Variants in MTSS1 observed in about 807,000 individuals in gnomAD.
The protein encoded by MTSS1 is protein MTSS 1.
In MTSS1, 18 loss-of-function variants were observed where a neutral mutation model predicts 79.0. The ratio of observed to expected loss-of-function variants is 0.23; its 90% CI spans 0.16 to 0.34. The LOEUF (loss-of-function observed/expected upper bound fraction) is 0.34, where lower values mean the gene tolerates loss of function less well. Ranked by LOEUF, MTSS1 falls within the 10% of genes least tolerant of loss-of-function variation. MTSS1 has a pLI of 1.00. For missense variants in MTSS1, 815 were observed against 986.2 expected, an observed-to-expected ratio of 0.83 and a Z score of 2.33; for synonymous variants, 341 against 368.6, an observed-to-expected ratio of 0.93 and a Z score of 0.86.
chr8:124,639,241 G>C (rs190941119), intron 3 of MTSS1, among the ~76,000 whole-genome samples: 11 of 152,174 alleles, frequency 7.2e-5, no homozygotes, highest in Admixed American at 1.3e-4. Context: ...GGGAGGCTGC[G>C]GCAGGAGAAT....
chr8:124,691,822 C>G (rs938608794), intron 3 of MTSS1, among the ~76,000 whole-genome samples: 4 of 152,006 alleles, frequency 2.6e-5, no homozygotes, highest in African/African-American at 9.7e-5. Context: ...GGCTGATATA[C>G]CTTTTTATTT....
Position 124,615,664 on chromosome 8 carries a change from C to T in MTSS1, c.209-24429G>A, listed in dbSNP as rs182503071. On this transcript the variant is annotated intron_variant, in intron 3 of 13. Transcript: ENST00000518547. Reference sequence around the variant, plus strand: ...TGTGGCACAACACTACAGAACTCTACACTTGAAAATGATTAAGACGGTATA... The same window carrying T: ...TGTGGCACAACACTACAGAACTCTATACTTGAAAATGATTAAGACGGTATA... Among the ~76,000 whole-genome samples, 596 of 152,300 alleles carry T rather than the reference C, an allele frequency of 3.9e-3. 3 individuals are homozygous for T. The highest frequency in any genetic ancestry group is 6.4e-3 in the Non-Finnish European group (432 of 68,018).
intron 13 of MTSS1, among the ~76,000 whole-genome samples, chr8:124,554,673 C>T (rs1823205276): frequency 6.6e-6 from 1 of 152,318 alleles, no homozygotes; most frequent in South Asian, 2.1e-4. Context: ...CACTCTAACA[C>T]ACTTAGGTTC....
In MTSS1 at chr8:124,618,697, AGCTGG is replaced by A. The variant is rs549272035; in HGVS notation, c.209-27467_209-27463del. Among the ~76,000 whole-genome samples, 6 of 152,344 alleles carry A rather than the reference AGCTGG, an allele frequency of 3.9e-5. No individual in the cohort carries two copies. In the South Asian group the frequency reaches 1.2e-3, roughly 32 times the overall value. On this transcript the variant is annotated intron_variant, in intron 3 of 13. Transcript: ENST00000518547. The stretch of plus-strand genomic sequence containing the variant: ...ACACTGGCTCTGCAATGACTCTGGT[AGCTGG>A]CAGCTCTCCATAATGTAGCTGTCTG...
chr8:124,589,593 G>A (rs749868560), intron 5 of MTSS1, 27 bp downstream of exon 5: 1 of 1,582,320 alleles, frequency 6.3e-7, no homozygotes, highest in Non-Finnish European at 8.6e-7. Context: ...AGCGTGCAGT[G>A]ATGCGCTAGA....
chr8:124,666,441 T>TGA (rs1217560374), intron 3 of MTSS1, among the ~76,000 whole-genome samples: 1 of 152,176 alleles, frequency 6.6e-6, no homozygotes, highest in Admixed American at 6.5e-5. Flanking sequence ...AGAAAAATAC[T>TGA]GATGGAAACA....
rs376764903 is a variant in MTSS1 at position 124,557,672 on chromosome 8, G to C, written c.1230+9C>G. 1.3e-6 allele frequency: 2 copies of C among 1,563,504 alleles called. No individual in the cohort carries two copies. The highest frequency in any genetic ancestry group is 2.7e-5 in the African/African-American group (2 of 73,552). The stretch of plus-strand genomic sequence containing the variant: ...TGACGGGGAGAGGAGGAGGGGGAGA[G>C]ACACAAACCTTCCAGCTAGGGATCT... On this transcript the variant is annotated intron_variant, in intron 11 of 13. Transcript: ENST00000518547.
At chr8:124,716,564 G>A (rs949299383) in intron 1 of MTSS1, among the ~76,000 whole-genome samples, 2 of 152,140 alleles carry the variant, frequency 1.3e-5, no homozygotes, top group African/African-American at 4.8e-5. Context: ...ATGACCTGAA[G>A]TGTTTGCTAA....
At chr8:124,585,018 C>CT in intron 6 of MTSS1, 69 bp downstream of exon 6, 1 of 1,352,162 alleles carries the variant, frequency 7.4e-7, no homozygotes, top group Non-Finnish European at 1.1e-6. Flanking sequence ...AAGTGAACAC[C>CT]TTTCACTTCA....
chr8:124,571,436 A>G (rs926387201), intron 6 of MTSS1, among the ~76,000 whole-genome samples: 1 of 152,346 alleles, frequency 6.6e-6, no homozygotes, highest in African/African-American at 2.4e-5. Context: ...AGCATGGCCA[A>G]TTGTGGGCCT....
Position 124,553,084 on chromosome 8 carries a change from G to A in MTSS1, c.2176C>T (p.Pro726Ser). The change falls in exon 14 of 14, where the codon CCA becomes TCA. Residue 726 changes from proline (P) to serine (S), a missense_variant. Around this residue, in one of 2 missense-constraint regions of MTSS1, gnomAD observed 590 missense variants for 620.8 expected, o/e 0.95. Coordinates refer to ENST00000518547, the MANE Select transcript of MTSS1 (RefSeq NM_014751.6). The surrounding 1 kb of genome is among the most constrained non-coding windows in gnomAD (Gnocchi z 6.0). ...DPADLSPRDTPQGEDMLNAIR... is the reference protein window; with the variant it reads ...DPADLSPRDTSQGEDMLNAIR... ...GCGTTCAGCATGTCTTCTCCTTGTG[G>A]AGTATCCCTTGGGCTCAGGTCTGCA... The A allele has an allele frequency of 6.2e-7, 1 of 1,614,094 alleles. No homozygotes were observed. Among genetic ancestry groups the A allele is most frequent in the Non-Finnish European group, 8.5e-7 (1 of 1,180,010 alleles).
At chr8:124,618,351 T>C (rs1462072885) in intron 3 of MTSS1, among the ~76,000 whole-genome samples, 1 of 152,238 alleles carries the variant, frequency 6.6e-6, no homozygotes, top group African/African-American at 2.4e-5. Flanking sequence ...CAAACTTTTC[T>C]GTTTCACAAC....
chr8:124,703,148 T>C (rs997102789), intron 2 of MTSS1, among the ~76,000 whole-genome samples: 2 of 152,134 alleles, frequency 1.3e-5, no homozygotes, highest in Non-Finnish European at 2.9e-5. Context: ...CCCCAAAAGA[T>C]CTGTCTTACC....
chr8:124,560,587 G>A (rs1341801697), intron 10 of MTSS1, among the ~76,000 whole-genome samples: 2 of 152,096 alleles, frequency 1.3e-5, no homozygotes, highest in Admixed American at 6.6e-5. Context: ...GGAGTTCAAG[G>A]TTACAGTGAC....
chr8:124,709,510 C>T (rs534325884), intron 1 of MTSS1, among the ~76,000 whole-genome samples: 1 of 152,348 alleles, frequency 6.6e-6, no homozygotes, highest in African/African-American at 2.4e-5. Context: ...AGTCCAAAGT[C>T]ACAAGGCAAA....
intron 1 of MTSS1, among the ~76,000 whole-genome samples, chr8:124,720,670 T>A (rs748220925): frequency 3.9e-5 from 6 of 152,198 alleles, no homozygotes; most frequent in Non-Finnish European, 7.3e-5. Context: ...ACTTCTCCAT[T>A]TCCTGCAACT....
chr8:124,639,858 G>A (rs1258796689), intron 3 of MTSS1, among the ~76,000 whole-genome samples: 1 of 152,144 alleles, frequency 6.6e-6, no homozygotes, highest in African/African-American at 2.4e-5. Context: ...TGCCCCAATA[G>A]CTAATAATCA....
At chr8:124,676,762 G>A (rs1207165185) in intron 3 of MTSS1, among the ~76,000 whole-genome samples, 1 of 152,042 alleles carries the variant, frequency 6.6e-6, no homozygotes, top group African/African-American at 2.4e-5. Context: ...AGTATAAAGC[G>A]AGTGCAATCA....
At position 124,683,926 on chromosome 8, in the gene MTSS1, C is replaced by T. The variant is rs75059215; in HGVS notation, c.208+15600G>A. On this transcript the variant is annotated intron_variant, in intron 3 of 13. Coordinates refer to ENST00000518547, the MANE Select transcript of MTSS1 (RefSeq NM_014751.6). This position sits in a 1 kb window ranked among gnomAD's most constrained non-coding sequence, Gnocchi z 4.5. ...ATTTCCATTATCAAACCAAGGAGAC[C>T]GAAAAAGTGACCTGGGCCATAGGAT... Among the ~76,000 whole-genome samples the T allele has an allele frequency of 0.014, 2,168 of 152,108 alleles. 58 individuals are homozygous for T. Among genetic ancestry groups the T allele is most frequent in the African/African-American group, 0.05 (2,061 of 41,476 alleles).
Sources: allele counts gnomAD v4.1 joint callset (sites outside exome capture counted in the v4.1 genomes callset), GRCh38; gene constraint gnomAD v4.1.1; regional missense constraint gnomAD v4.1.1; non-coding constraint Gnocchi (gnomAD v3.1); transcripts MANE v1.5; gene names NCBI Gene and HGNC (gene_info 2026-07-23, HGNC 2026-07-21).